The following MUC22 variants were observed in gnomAD, a reference collection of about 807,000 sequenced individuals.
MUC22 encodes mucin-22.
In MUC22, 24 loss-of-function variants were observed where a neutral mutation model predicts 40.3. The observed-to-expected ratio is 0.60, with a 90% CI of 0.43 to 0.84. The LOEUF (loss-of-function observed/expected upper bound fraction) is 0.84. MUC22 is among the 40% of genes least tolerant of loss of function. The probability of loss-of-function intolerance (pLI) is 0.00; values close to 1 mark genes in which losing one functional copy is unlikely to be tolerated. For synonymous variants in MUC22, 765 were observed against 844.5 expected (o/e 0.91, Z 1.63); for missense variants, 1,926 against 2,130.7 (o/e 0.90, Z 1.89).
chr6:31,029,915 G>C (rs9262549), exon 2 of MUC22: 1,100,050 of 1,533,750 alleles, frequency 0.72, 399,293 homozygotes, highest in South Asian at 0.89. Flanking sequence ...GGCTCTGAGA[G>C]CACCATAGCT....
chr6:31,013,290 C>G (rs2150744287), intron 1 of MUC22, among the ~76,000 whole-genome samples: 1 of 152,058 alleles, frequency 6.6e-6, no homozygotes, highest in Middle Eastern at 3.4e-3. Flanking sequence ...CCACGCCCAG[C>G]TAATTTTTTG....
chr6:31,019,787 GA>G (rs1201324777), intron 1 of MUC22, among the ~76,000 whole-genome samples: 3 of 152,188 alleles, frequency 2.0e-5, no homozygotes, highest in African/African-American at 7.2e-5. Flanking sequence ...CCGGGAGGTG[GA>G]AGTTGCAATG....
At chr6:31,031,099 G>A (rs1766028094) in intron 2 of MUC22, among the ~76,000 whole-genome samples, 1 of 152,144 alleles carries the variant, frequency 6.6e-6, no homozygotes, top group African/African-American at 2.4e-5. Context: ...TTGGTTCTAA[G>A]CATACTCACT....
At chr6:31,006,730 G>T (rs1013263570), upstream of MUC22, among the ~76,000 whole-genome samples, 1 of 152,160 alleles carries the variant, frequency 6.6e-6, no homozygotes, top group African/African-American at 2.4e-5. Context: ...TATTTAATAT[G>T]ATATATGGAG....
chr6:31,014,114 TA>T (rs1442727514), intron 1 of MUC22, among the ~76,000 whole-genome samples: 1 of 152,204 alleles, frequency 6.6e-6, no homozygotes, highest in Admixed American at 6.5e-5. Flanking sequence ...GTGATGACAT[TA>T]TAATAAGTAT....
At chr6:31,027,845 C>A (rs1263766733) in exon 2 of MUC22, 6 of 1,534,640 alleles carry the variant, frequency 3.9e-6, no homozygotes, top group Non-Finnish European at 5.2e-6. Context: ...GGCTTGGAGA[C>A]CACCACCACT....
chr6:31,021,386 A>C (rs1214263370), intron 1 of MUC22, among the ~76,000 whole-genome samples: 1 of 139,278 alleles, frequency 7.2e-6, no homozygotes, highest in Non-Finnish European at 1.6e-5. Flanking sequence ...ATCTAGCTCA[A>C]GGTTTGTAAA....
intron 2 of MUC22, among the ~76,000 whole-genome samples, chr6:31,031,268 C>T (rs143135943): frequency 0.01 from 1,544 of 152,232 alleles, 30 homozygotes; most frequent in African/African-American, 0.034. Flanking sequence ...GCAGCCTTCT[C>T]CACTTGGGTC....
rs914170682 is a variant in MUC22 at position 31,011,935 on chromosome 6, T to C, written c.70+1159T>C. Among the ~76,000 whole-genome samples, 5 of 152,188 alleles carry C rather than the reference T, an allele frequency of 3.3e-5. No individual in the cohort carries two copies. The highest frequency in any genetic ancestry group is 1.2e-4 in the African/African-American group (5 of 41,448). Reference sequence around the variant, plus strand: ...TATAATCCCCTGAGAACTTCCCTGGTAGAAACAAACCGGAGTTCGGCCACT... The same window carrying C: ...TATAATCCCCTGAGAACTTCCCTGGCAGAAACAAACCGGAGTTCGGCCACT... On this transcript the variant is annotated intron_variant, in intron 1 of 3. Coordinates refer to ENST00000561890, the Ensembl canonical transcript of MUC22. The surrounding 1 kb of genome is among the most constrained non-coding windows in gnomAD (Gnocchi z 4.5).
intron 2 of MUC22, among the ~76,000 whole-genome samples, chr6:31,031,102 T>A (rs6457301): frequency 3.3e-5 from 5 of 151,970 alleles, no homozygotes; most frequent in African/African-American, 1.2e-4. Context: ...GTTCTAAGCA[T>A]ACTCACTTCT....
chr6:31,022,118 C>T (rs919490981), intron 1 of MUC22, among the ~76,000 whole-genome samples: 1 of 152,226 alleles, frequency 6.6e-6, no homozygotes, highest in Admixed American at 6.5e-5. Context: ...GGAAGAAACT[C>T]CGAACACATC....
chr6:31,035,003 G>A, exon 4 of MUC22: 2 of 1,471,614 alleles, frequency 1.4e-6, no homozygotes, highest in South Asian at 1.3e-5. Flanking sequence ...AGATGGCTGT[G>A]GCCATAGATT....
At chr6:31,018,957 T>C (rs1310213526) in intron 1 of MUC22, among the ~76,000 whole-genome samples, 1 of 150,946 alleles carries the variant, frequency 6.6e-6, no homozygotes, top group Non-Finnish European at 1.5e-5. Context: ...TTCTCCAACA[T>C]ACTCTCCCAG....
At chr6:31,034,679 T>C in exon 4 of MUC22, 1 of 1,531,072 alleles carries the variant, frequency 6.5e-7, no homozygotes, top group Non-Finnish European at 8.7e-7. Flanking sequence ...TAGAGAAACC[T>C]TTTCTTCCCC....
intron 1 of MUC22, among the ~76,000 whole-genome samples, chr6:31,023,428 C>G (rs908828827): frequency 6.6e-5 from 10 of 152,110 alleles, no homozygotes; most frequent in African/African-American, 2.4e-4. Context: ...GCCTGTGATC[C>G]TAGATAGTTC....
exon 2 of MUC22, chr6:31,025,926 A>G (rs1404778752): frequency 6.5e-7 from 1 of 1,527,556 alleles, no homozygotes; most frequent in Middle Eastern, 1.7e-4. Flanking sequence ...GCTCTGAGAA[A>G]ACGATGGCCT....
intron 2 of MUC22, among the ~76,000 whole-genome samples, 174 bp downstream of exon 2, chr6:31,030,274 T>A (rs62401668): frequency 3.3e-5 from 5 of 152,012 alleles, no homozygotes; most frequent in African/African-American, 1.2e-4. Context: ...TCCCAGCACA[T>A]TGGAAGGCTG....
Position 31,011,884 on chromosome 6 carries a change from G to A in MUC22, c.70+1108G>A, listed in dbSNP as rs772253153. Among the ~76,000 whole-genome samples, 4 of 152,032 alleles carry A rather than the reference G, an allele frequency of 2.6e-5. No homozygotes were observed. The South Asian group carries it at 6.2e-4, about 24-fold the overall frequency. On this transcript the variant is annotated intron_variant, in intron 1 of 3. Transcript: ENST00000561890. This position sits in a 1 kb window ranked among gnomAD's most constrained non-coding sequence, Gnocchi z 4.5. ...TGATTTTTTGCTTCAACCCTTCTTCGGATGCTGCCTGATTCCAAATCCATG... is the reference window on the plus strand; with the variant it reads ...TGATTTTTTGCTTCAACCCTTCTTCAGATGCTGCCTGATTCCAAATCCATG...
At chr6:31,028,652 C>A in exon 2 of MUC22, 1 of 1,534,898 alleles carries the variant, frequency 6.5e-7, no homozygotes, top group Non-Finnish European at 8.7e-7. Flanking sequence ...GCCTCTGAGA[C>A]CACCACAGTC....
Sources: allele counts gnomAD v4.1 joint callset (sites outside exome capture counted in the v4.1 genomes callset), GRCh38; gene constraint gnomAD v4.1.1; non-coding constraint Gnocchi (gnomAD v3.1); transcripts MANE v1.5; gene names NCBI Gene and HGNC (gene_info 2026-07-23, HGNC 2026-07-21).